Variants in PITPNM3 observed in about 807,000 individuals in gnomAD.
PITPNM3 encodes PITPNM family member 3.
Under a neutral mutation model 102.0 loss-of-function variants are expected in PITPNM3, and 26 were observed. That is an observed-to-expected ratio of 0.25 (90% CI 0.19 to 0.35). The LOEUF is 0.35. PITPNM3 is among the 10% of genes least tolerant of loss of function. The pLI, the probability that PITPNM3 is intolerant of heterozygous loss-of-function variation, is 1.00. For synonymous variants in PITPNM3, 578 were observed against 558.6 expected (o/e 1.03, Z -0.49); for missense variants, 1,083 against 1,346.1 (o/e 0.80, Z 3.06).
At chr17:6,542,286 C>T (rs929336871) in intron 1 of PITPNM3, among the ~76,000 whole-genome samples, 6 of 152,324 alleles carry the variant, frequency 3.9e-5, no homozygotes, top group Middle Eastern at 3.4e-3. Flanking sequence ...TACATTCCTG[C>T]GTAGAGGTGT....
chr17:6,527,365 T>G (rs565333862), intron 2 of PITPNM3, among the ~76,000 whole-genome samples: 10 of 152,334 alleles, frequency 6.6e-5, no homozygotes, highest in African/African-American at 2.4e-4. Context: ...GTAGGGCCTC[T>G]GTCATTGGAT....
In PITPNM3 at chr17:6,537,485, CAT is replaced by C. The variant is rs1374460151; in HGVS notation, c.118+500_118+501del. On this transcript the variant is annotated intron_variant, in intron 2 of 19. Transcript: ENST00000262483. The surrounding 1 kb of genome is among the most constrained non-coding windows in gnomAD (Gnocchi z 4.4). ...GGAACACATCTGTTAAGGGAATACA[CAT>C]GTTGGCCAGGCTGGTCTCAAACTCC... 2.0e-5 allele frequency among the ~76,000 whole-genome samples: 3 copies of C among 152,076 alleles called. No individual in the cohort carries two copies. Among genetic ancestry groups the C allele is most frequent in the African/African-American group, 7.2e-5 (3 of 41,402 alleles).
rs547326883 is a variant in PITPNM3, at chr17:6,515,941, G to A, written c.226+9415C>T. On this transcript the variant is annotated intron_variant, in intron 3 of 19. Coordinates refer to ENST00000262483, the MANE Select transcript of PITPNM3 (RefSeq NM_031220.4). The stretch of plus-strand genomic sequence containing the variant: ...TACGCATGTAATCCTAGCACTTTGA[G>A]AGGCTGAGGCCGGAGGATCGCTTGA... Among the ~76,000 whole-genome samples, 3 of 152,288 alleles carry A rather than the reference G, an allele frequency of 2.0e-5. No individual in the cohort carries two copies. In the South Asian group the frequency reaches 6.2e-4, roughly 32 times the overall value.
chr17:6,524,907 T>C (rs1402716948), intron 3 of PITPNM3, among the ~76,000 whole-genome samples: 1 of 152,174 alleles, frequency 6.6e-6, no homozygotes, highest in Non-Finnish European at 1.5e-5. Context: ...CCCAGCCATA[T>C]ACTCCTTCTT....
rs1452527445 is a variant in PITPNM3 at position 6,506,350 on chromosome 17, CCTTT to C, written c.227-2780_227-2777del. Among the ~76,000 whole-genome samples the C allele has an allele frequency of 4.0e-5, 6 of 150,620 alleles. No individual in the cohort carries two copies. The East Asian group carries it at 9.8e-4, about 25-fold the overall frequency. On this transcript the variant is annotated intron_variant, in intron 3 of 19. Transcript: ENST00000262483. Reference sequence around the variant, plus strand: ...TCTTTCTTTCTCTCCTTCCTTCCTTCCTTTCTATTCTTTTCTTTTCCTTTCTCTC... The same window carrying C: ...TCTTTCTTTCTCTCCTTCCTTCCTTCCTATTCTTTTCTTTTCCTTTCTCTC...
chr17:6,512,379 T>C (rs766020592), intron 3 of PITPNM3, among the ~76,000 whole-genome samples: 1 of 152,106 alleles, frequency 6.6e-6, no homozygotes, highest in Non-Finnish European at 1.5e-5. Context: ...AAGCCAACAA[T>C]GTGGAAGGAA....
At chr17:6,489,123 C>T (rs17202180) in intron 4 of PITPNM3, among the ~76,000 whole-genome samples, 38,659 of 152,098 alleles carry the variant, frequency 0.25, 5,082 homozygotes, top group Admixed American at 0.29. Context: ...ATTACCAATG[C>T]GCCACACTGC....
intron 4 of PITPNM3, among the ~76,000 whole-genome samples, chr17:6,492,686 G>A (rs553872558): frequency 6.6e-6 from 1 of 151,872 alleles, no homozygotes; most frequent in Non-Finnish European, 1.5e-5. Flanking sequence ...GTGAAACCCC[G>A]TCTCTACTAA....
chr17:6,519,731 G>A (rs1051893175), intron 3 of PITPNM3, among the ~76,000 whole-genome samples: 1 of 151,946 alleles, frequency 6.6e-6, no homozygotes, highest in Admixed American at 6.6e-5. Context: ...TCGGGAGGCT[G>A]AGGTAGGAGA....
intron 3 of PITPNM3, among the ~76,000 whole-genome samples, chr17:6,507,014 G>A (rs1010854074): frequency 6.6e-6 from 1 of 152,206 alleles, no homozygotes; most frequent in Non-Finnish European, 1.5e-5. Context: ...AGCCCAGGGT[G>A]GGGACAGCTG....
chr17:6,478,012 G>T lies in PITPNM3; in HGVS notation c.863C>A (p.Ala288Asp), dbSNP rs763285088. 6.2e-7 allele frequency: 1 copy of T among 1,613,510 alleles called. No individual in the cohort carries two copies. Among genetic ancestry groups the T allele is most frequent in the Non-Finnish European group, 8.5e-7 (1 of 1,180,040 alleles). ...GATGCTCCCCTTCCGGCTGCTGCTG[G>T]CAGGGCTGTCCCCTGAGGGCCCCGC... ...YSAGPSGDSPASSSRKGSISS... is the reference protein window; with the variant it reads ...YSAGPSGDSPDSSSRKGSISS... The change falls in exon 8 of 20, where the codon GCC becomes GAC. Residue 288 changes from alanine (A) to aspartate (D), a missense_variant. This residue lies in a region of PITPNM3 where 172 missense variants were observed against 175.6 expected (regional missense o/e 0.98). Transcript: ENST00000262483. This position sits in a 1 kb window ranked among gnomAD's most constrained non-coding sequence, Gnocchi z 4.4.
intron 3 of PITPNM3, among the ~76,000 whole-genome samples, chr17:6,504,665 T>C (rs965591732): frequency 6.6e-6 from 1 of 152,114 alleles, no homozygotes; most frequent in African/African-American, 2.4e-5. Context: ...ATAGCACGGA[T>C]CCAGTGCTCG....
intron 14 of PITPNM3, among the ~76,000 whole-genome samples, chr17:6,467,338 T>A (rs1197119956): frequency 6.6e-6 from 1 of 152,198 alleles, no homozygotes; most frequent in Non-Finnish European, 1.5e-5. Flanking sequence ...AGTCGATTAC[T>A]GATTGCCTGG....
intron 4 of PITPNM3, among the ~76,000 whole-genome samples, chr17:6,484,941 T>C (rs1355467855): frequency 6.6e-6 from 1 of 152,074 alleles, no homozygotes; most frequent in East Asian, 1.9e-4. Context: ...GCCTCACACA[T>C]CAGCACTCCC....
chr17:6,464,741 C>G lies in PITPNM3; in HGVS notation c.1921G>C (p.Val641Leu). The G allele has an allele frequency of 6.2e-7, 1 of 1,614,208 alleles. No individual in the cohort carries two copies. The highest frequency in any genetic ancestry group is 8.5e-7 in the Non-Finnish European group (1 of 1,180,042). The change falls in exon 15 of 20, where the codon GTG becomes CTG. Residue 641 changes from valine (V) to leucine (L), a missense_variant. Physicochemically the swap from Val to Leu is conservative, Grantham distance 32. This residue lies in a region of PITPNM3 where 410 missense variants were observed against 638.4 expected (regional missense o/e 0.64). Transcript: ENST00000262483. ...TGGGGGCCATCTTCAGCAGCAATCA[C>G]ATCATTGGCCCGGTGATTAGCCGTG... ...NVTANHRANDVIAAEDGPQVL... is the reference protein window; with the variant it reads ...NVTANHRANDLIAAEDGPQVL...
At chr17:6,474,840 A>G (rs1055852791) in intron 9 of PITPNM3, among the ~76,000 whole-genome samples, 3 of 152,242 alleles carry the variant, frequency 2.0e-5, no homozygotes, top group African/African-American at 4.8e-5. Flanking sequence ...AGGGCCAGAG[A>G]GTCAATATTT....
intron 16 of PITPNM3, 139 bp from the exon 17 acceptor site, chr17:6,464,020 C>T (rs919814637): frequency 7.7e-5 from 118 of 1,531,980 alleles, no homozygotes; most frequent in South Asian, 7.4e-4. Context: ...CCTGATGCCA[C>T]GGCTGGTGAC....
In PITPNM3 at chr17:6,556,456, C is replaced by T. The variant is rs1023581396; in HGVS notation, c.-50G>A. The T allele has an allele frequency of 2.5e-6, 3 of 1,177,558 alleles. No individual in the cohort carries two copies. The highest frequency in any genetic ancestry group is 4.8e-5 in the Admixed American group (1 of 20,884). 72.9% of individuals were successfully genotyped at this position (1,177,558 alleles called of 1,614,324 possible). A position where few individuals can be genotyped will look rare whatever the true frequency, so the allele number is the denominator to read the frequency against. ...CGCTACGCGCGCTCCTCGCGCTTCC[C>T]GGGCCCGGCCCCGACCGCCTCCGGC... On this transcript the variant is annotated 5_prime_UTR_variant, in exon 1 of 20. Coordinates refer to ENST00000262483, the MANE Select transcript of PITPNM3 (RefSeq NM_031220.4). The surrounding 1 kb of genome is among the most constrained non-coding windows in gnomAD (Gnocchi z 5.2).
At chr17:6,496,263 T>C (rs980151090) in intron 4 of PITPNM3, among the ~76,000 whole-genome samples, 1 of 152,138 alleles carries the variant, frequency 6.6e-6, no homozygotes, top group Non-Finnish European at 1.5e-5. Flanking sequence ...CTAAGTGCTC[T>C]ATGCAAATCC....
Sources: gnomAD v4.1 joint callset for allele counts (sites outside exome capture counted in the v4.1 genomes callset) on GRCh38, gnomAD v4.1.1 for gene constraint, gnomAD v4.1.1 regional missense constraint, Gnocchi (gnomAD v3.1) non-coding constraint, MANE v1.5 for transcripts, NCBI Gene and HGNC (gene_info 2026-07-23, HGNC 2026-07-21) for gene names.